The following YIPF1 variants were observed in gnomAD, a reference collection of about 807,000 sequenced individuals.
The protein encoded by YIPF1 is protein YIPF1.
YIPF1 carries 22 observed loss-of-function variants against 37.0 expected under a neutral mutation model. The ratio of observed to expected loss-of-function variants is 0.59; its 90% CI spans 0.42 to 0.85. The LOEUF (loss-of-function observed/expected upper bound fraction) is 0.85. Among genes scored for constraint, YIPF1 ranks in the 40% least tolerant of loss-of-function variants. The pLI is 0.00. For synonymous variants in YIPF1, 128 were observed against 131.9 expected, an observed-to-expected ratio of 0.97 and a Z score of 0.21; for missense variants, 355 against 373.1, an observed-to-expected ratio of 0.95 and a Z score of 0.40.
chr1:53,856,528 T>C (rs1421811857), intron 10 of YIPF1, among the ~76,000 whole-genome samples: 3 of 152,142 alleles, frequency 2.0e-5, no homozygotes, highest in Non-Finnish European at 4.4e-5. Flanking sequence ...GGTTCCCCTG[T>C]ACAGCCTAGG....
At chr1:53,873,376 A>G (rs1191495169) in intron 6 of YIPF1, among the ~76,000 whole-genome samples, 1 of 152,226 alleles carries the variant, frequency 6.6e-6, no homozygotes, top group Non-Finnish European at 1.5e-5. Flanking sequence ...AGGGAATAGC[A>G]GGAGCAGAGA....
At chr1:53,863,543 C>T (rs1470499677) in intron 9 of YIPF1, among the ~76,000 whole-genome samples, 1 of 152,202 alleles carries the variant, frequency 6.6e-6, no homozygotes, top group Non-Finnish European at 1.5e-5. Flanking sequence ...TTCTGAGAAG[C>T]AAGTCTCTTG....
At chr1:53,872,936 A>T in intron 6 of YIPF1, among the ~76,000 whole-genome samples, 1 of 152,172 alleles carries the variant, frequency 6.6e-6, no homozygotes, top group Non-Finnish European at 1.5e-5. Flanking sequence ...AAAACCAACA[A>T]CAAACAAAAA....
intron 6 of YIPF1, among the ~76,000 whole-genome samples, chr1:53,872,098 C>T (rs1166697567): frequency 6.6e-6 from 1 of 150,506 alleles, no homozygotes; most frequent in Non-Finnish European, 1.5e-5. Flanking sequence ...CTACTGTCTA[C>T]CCACAAAAAT....
At chr1:53,886,289 G>C (rs1157977177) in intron 3 of YIPF1, among the ~76,000 whole-genome samples, 1 of 151,894 alleles carries the variant, frequency 6.6e-6, no homozygotes, top group Non-Finnish European at 1.5e-5. Flanking sequence ...TGACTGGAGT[G>C]TGGGCTGCGT....
chr1:53,857,924 T>C (rs1423217270), intron 10 of YIPF1, among the ~76,000 whole-genome samples: 1 of 140,180 alleles, frequency 7.1e-6, no homozygotes, highest in Non-Finnish European at 1.5e-5. Context: ...GAGGTTGCAG[T>C]GGGCCAAGAT....
At chr1:53,859,998 G>A (rs559002132) in intron 10 of YIPF1, 58 bp downstream of exon 10, 1 of 1,554,440 alleles carries the variant, frequency 6.4e-7, no homozygotes, top group Admixed American at 1.7e-5. Flanking sequence ...TAACAGAATT[G>A]ATACACCTGC....
chr1:53,862,444 G>A (rs1358507826), intron 9 of YIPF1, among the ~76,000 whole-genome samples: 2 of 152,188 alleles, frequency 1.3e-5, no homozygotes, highest in Non-Finnish European at 2.9e-5. Context: ...AAAGCCAGCA[G>A]TAACCACCTC....
chr1:53,859,430 G>A lies in YIPF1; in HGVS notation c.*8+626C>T, dbSNP rs182812810. Reference sequence around the variant, plus strand: ...TGTAATCCCAGCACTTTGGGTGGCCGAGGCAGGTGGATCACCTGAGGTCAG... The same window carrying A: ...TGTAATCCCAGCACTTTGGGTGGCCAAGGCAGGTGGATCACCTGAGGTCAG... On this transcript the variant is annotated intron_variant, in intron 10 of 10. Coordinates refer to ENST00000072644, the MANE Select transcript of YIPF1 (RefSeq NM_018982.5). Among the ~76,000 whole-genome samples the A allele has an allele frequency of 2.4e-3, 370 of 152,262 alleles. 2 individuals are homozygous for A. The highest frequency in any genetic ancestry group is 8.3e-3 in the African/African-American group (345 of 41,564).
chr1:53,862,652 G>C (rs900855972), intron 9 of YIPF1, among the ~76,000 whole-genome samples: 41 of 152,158 alleles, frequency 2.7e-4, no homozygotes, highest in Non-Finnish European at 5.0e-4. Context: ...TTCCCCAGGG[G>C]AGAGTGAGGA....
chr1:53,882,023 C>T (rs1380439573), intron 4 of YIPF1, among the ~76,000 whole-genome samples: 8 of 152,202 alleles, frequency 5.3e-5, no homozygotes, highest in East Asian at 3.9e-4. Context: ...TGGAATACTA[C>T]GCAGCCAGAA....
chr1:53,856,926 A>C (rs1362007212), intron 10 of YIPF1, among the ~76,000 whole-genome samples: 2 of 152,180 alleles, frequency 1.3e-5, no homozygotes, highest in Non-Finnish European at 2.9e-5. Context: ...AGTCAATAGA[A>C]GATGGTAAAG....
At chr1:53,861,333 A>G (rs1366136882) in intron 9 of YIPF1, among the ~76,000 whole-genome samples, 1 of 152,122 alleles carries the variant, frequency 6.6e-6, no homozygotes, top group African/African-American at 2.4e-5. Flanking sequence ...GTTCTCCCTC[A>G]GGTACACTGT....
At chr1:53,871,072 C>T (rs1211444460) in intron 7 of YIPF1, among the ~76,000 whole-genome samples, 10 of 147,132 alleles carry the variant, frequency 6.8e-5, no homozygotes. Flanking sequence ...CCTTGATTTA[C>T]AGCTTTCCCA....
chr1:53,875,655 G>A (rs1360900818), intron 6 of YIPF1, among the ~76,000 whole-genome samples: 1 of 152,112 alleles, frequency 6.6e-6, no homozygotes, highest in Non-Finnish European at 1.5e-5. Context: ...TCTCCTTCTA[G>A]GTCCCCCTGT....
intron 9 of YIPF1, among the ~76,000 whole-genome samples, chr1:53,863,805 T>C (rs1220012822): frequency 6.6e-6 from 1 of 152,100 alleles, no homozygotes; most frequent in African/African-American, 2.4e-5. Flanking sequence ...AGTGGCGCAA[T>C]CTCAGTTCCC....
intron 10 of YIPF1, among the ~76,000 whole-genome samples, chr1:53,859,746 G>A (rs759666337): frequency 1.3e-5 from 2 of 152,210 alleles, no homozygotes; most frequent in Non-Finnish European, 2.9e-5. Flanking sequence ...CCCATATTGT[G>A]TTCTAGGAAA....
At chr1:53,871,660 T>A (rs1015999940) in intron 6 of YIPF1, among the ~76,000 whole-genome samples, 172 bp from the exon 7 acceptor site, 2 of 151,884 alleles carry the variant, frequency 1.3e-5, no homozygotes, top group Admixed American at 6.6e-5. Flanking sequence ...CAAACACACA[T>A]CTCAGTAATT....
intron 4 of YIPF1, among the ~76,000 whole-genome samples, chr1:53,882,773 T>A (rs1650535803): frequency 9.0e-6 from 1 of 111,252 alleles, no homozygotes; most frequent in East Asian, 3.9e-4. Context: ...GTGTTATCTT[T>A]CCTACATAGC....
Sources: gnomAD v4.1 joint callset for allele counts (sites outside exome capture counted in the v4.1 genomes callset) on GRCh38, gnomAD v4.1.1 for gene constraint, MANE v1.5 for transcripts, NCBI Gene and HGNC (gene_info 2026-07-23, HGNC 2026-07-21) for gene names.